The following RCOR1 variants were observed in gnomAD, a reference collection of about 807,000 sequenced individuals.
The protein encoded by RCOR1 is REST corepressor.
A neutral mutation model predicts 64.0 loss-of-function variants in RCOR1; 12 were observed. That is an observed-to-expected ratio of 0.19 (90% CI 0.12 to 0.30). The LOEUF (loss-of-function observed/expected upper bound fraction) is 0.30. Among genes scored for constraint, RCOR1 ranks in the 10% least tolerant of loss-of-function variants. RCOR1 has a pLI of 1.00. For missense variants in RCOR1, 502 were observed against 621.2 expected, an observed-to-expected ratio of 0.81 and a Z score of 2.04; for synonymous variants, 279 against 227.2, an observed-to-expected ratio of 1.23 and a Z score of -2.05.
At chr14:102,611,584 T>G (rs1893637363) in intron 2 of RCOR1, among the ~76,000 whole-genome samples, 3 of 152,164 alleles carry the variant, frequency 2.0e-5, no homozygotes, top group African/African-American at 7.2e-5. Flanking sequence ...ATTCTTGAGT[T>G]TTGTTCTGAG....
chr14:102,691,790 A>C (rs1287065546), intron 3 of RCOR1, among the ~76,000 whole-genome samples: 1 of 152,214 alleles, frequency 6.6e-6, no homozygotes, highest in African/African-American at 2.4e-5. Context: ...CTTTATACAG[A>C]AAAACGTTTC....
intron 2 of RCOR1, among the ~76,000 whole-genome samples, chr14:102,679,069 C>T (rs575472451): frequency 2.6e-5 from 4 of 152,126 alleles, no homozygotes; most frequent in East Asian, 3.9e-4. Context: ...TCTTACAGTC[C>T]GTAGTGTATC....
chr14:102,610,929 G>C (rs567194084), intron 2 of RCOR1, among the ~76,000 whole-genome samples: 1 of 152,126 alleles, frequency 6.6e-6, no homozygotes, highest in African/African-American at 2.4e-5. Context: ...ATTTGAGATG[G>C]GTACAGCTGA....
At chr14:102,653,983 CTTT>C (rs1160437928) in intron 2 of RCOR1, among the ~76,000 whole-genome samples, 41 of 33,154 alleles carry the variant, frequency 1.2e-3, no homozygotes, top group Non-Finnish European at 2.0e-3. Context: ...TTCTTTCTTT[CTTT>C]TTTTTTTTTT....
intron 8 of RCOR1, among the ~76,000 whole-genome samples, chr14:102,717,059 A>T (rs2139992129): frequency 6.6e-6 from 1 of 152,238 alleles, no homozygotes; most frequent in Middle Eastern, 3.4e-3. Flanking sequence ...GATATTTGGT[A>T]CTTTTTTGGT....
chr14:102,721,479 A>G, intron 10 of RCOR1, 102 bp downstream of exon 10: 1 of 772,282 alleles, frequency 1.3e-6, no homozygotes, highest in Non-Finnish European at 2.2e-6. Flanking sequence ...TGAGCCCAGG[A>G]GCTCAAGGCT....
intron 2 of RCOR1, among the ~76,000 whole-genome samples, chr14:102,612,437 G>A (rs1437982681): frequency 1.3e-5 from 2 of 152,076 alleles, no homozygotes; most frequent in Non-Finnish European, 2.9e-5. Context: ...GCTCTTAAGC[G>A]ATCTGCCCGC....
At chr14:102,644,758 G>A (rs147216241) in intron 2 of RCOR1, among the ~76,000 whole-genome samples, 5 of 152,280 alleles carry the variant, frequency 3.3e-5, no homozygotes, top group Non-Finnish European at 7.3e-5. Flanking sequence ...CCAGAAAAGA[G>A]GAAACAGGAG....
chr14:102,674,242 G>C (rs1895092278), intron 2 of RCOR1, among the ~76,000 whole-genome samples: 1 of 152,130 alleles, frequency 6.6e-6, no homozygotes, highest in Non-Finnish European at 1.5e-5. Context: ...GGGTAATCAA[G>C]AGATTATAGA....
At chr14:102,716,542 G>A (rs563639419) in intron 8 of RCOR1, among the ~76,000 whole-genome samples, 6 of 151,150 alleles carry the variant, frequency 4.0e-5, no homozygotes, top group South Asian at 2.1e-4. Context: ...GTTACATGTC[G>A]GATTAATAGT....
At chr14:102,638,887 T>A (rs1232710372) in intron 2 of RCOR1, among the ~76,000 whole-genome samples, 2 of 152,228 alleles carry the variant, frequency 1.3e-5, no homozygotes, top group East Asian at 3.8e-4. Flanking sequence ...GATCTCTAAC[T>A]CCTGATGTCA....
chr14:102,725,798 T>C (rs906705852), intron 11 of RCOR1, among the ~76,000 whole-genome samples: 1 of 151,982 alleles, frequency 6.6e-6, no homozygotes, highest in Non-Finnish European at 1.5e-5. Context: ...CTCGAATTCC[T>C]GACATCAAGT....
chr14:102,698,901 C>A (rs1895698488), intron 3 of RCOR1, among the ~76,000 whole-genome samples: 1 of 150,938 alleles, frequency 6.6e-6, no homozygotes, highest in African/African-American at 2.4e-5. Context: ...AAGGGACACA[C>A]TTTGGAGTAA....
At chr14:102,665,101 G>T (rs966827627) in intron 2 of RCOR1, among the ~76,000 whole-genome samples, 1 of 152,074 alleles carries the variant, frequency 6.6e-6, no homozygotes, top group Non-Finnish European at 1.5e-5. Flanking sequence ...TGCCTCCCGG[G>T]TTCAAGCGAT....
At chr14:102,651,155 G>A (rs1489114906) in intron 2 of RCOR1, 22 of 746,908 alleles carry the variant, frequency 2.9e-5, no homozygotes, top group African/African-American at 9.7e-5. Flanking sequence ...ACCCAGCGGC[G>A]CTAGAGGAAT....
chr14:102,612,215 T>C (rs72700687), intron 2 of RCOR1, among the ~76,000 whole-genome samples: 2,548 of 152,284 alleles, frequency 0.017, 35 homozygotes, highest in Middle Eastern at 0.034. Context: ...TAAGTATAGA[T>C]TTTGCCATGT....
chr14:102,624,251 C>T (rs1893935566), intron 2 of RCOR1, among the ~76,000 whole-genome samples: 1 of 151,664 alleles, frequency 6.6e-6, no homozygotes, highest in African/African-American at 2.4e-5. Flanking sequence ...CGGCTGTAAT[C>T]CCAGCACTGT....
chr14:102,680,030 TATATCTATG>T (rs1895271582), intron 2 of RCOR1, among the ~76,000 whole-genome samples: 1 of 152,240 alleles, frequency 6.6e-6, no homozygotes, highest in Non-Finnish European at 1.5e-5. Flanking sequence ...ATAATAAGTC[TATATCTATG>T]ATCTATTTCT....
intron 3 of RCOR1, among the ~76,000 whole-genome samples, chr14:102,699,682 G>T (rs1313448329): frequency 6.6e-6 from 1 of 151,848 alleles, no homozygotes; most frequent in Non-Finnish European, 1.5e-5. Flanking sequence ...TAGAGAGTAA[G>T]ATTTAGGAGC....
Sources: gnomAD v4.1 joint callset for allele counts (sites outside exome capture counted in the v4.1 genomes callset) on GRCh38, gnomAD v4.1.1 for gene constraint, MANE v1.5 for transcripts, NCBI Gene and HGNC (gene_info 2026-07-23, HGNC 2026-07-21) for gene names.